Variants in TMEM184B observed in about 807,000 individuals in gnomAD.
The protein encoded by TMEM184B is putative MAPK-activating protein FM08.
TMEM184B carries 17 observed loss-of-function variants against 41.8 expected under a neutral mutation model. The observed-to-expected ratio is 0.41, with a 90% CI of 0.28 to 0.61. The LOEUF (loss-of-function observed/expected upper bound fraction) is 0.61, where lower values mean the gene tolerates loss of function less well. TMEM184B is among the 20% of genes least tolerant of loss of function. The probability of loss-of-function intolerance (pLI) is 0.34; values close to 1 mark genes in which losing one functional copy is unlikely to be tolerated. For synonymous variants in TMEM184B, 240 were observed against 229.5 expected (o/e 1.05, Z -0.41); for missense variants, 393 against 557.8 (o/e 0.70, Z 2.98).
rs1281869931 is a variant in TMEM184B at position 38,272,972 on chromosome 22, G to C, written c.-147C>G. The stretch of plus-strand genomic sequence containing the variant: ...GGGCGGGCGGCGCCGCAGCCCCGGA[G>C]TCTCCGCCGCCGCCGGCGCGTCCCG... On this transcript the variant is annotated 5_prime_UTR_variant, in exon 1 of 9. Coordinates refer to ENST00000361906, the MANE Select transcript of TMEM184B (RefSeq NM_012264.5). The C allele has an allele frequency of 3.8e-6, 1 of 263,476 alleles. No homozygotes were observed. The highest frequency in any genetic ancestry group is 1.8e-4 in the East Asian group (1 of 5,606). The allele number at this position is 263,476 out of a possible 1,614,324, so 16.3% of individuals were successfully genotyped here. A position where few individuals can be genotyped will look rare whatever the true frequency, so the allele number is the denominator to read the frequency against.
intron 3 of TMEM184B, among the ~76,000 whole-genome samples, chr22:38,235,417 C>G (rs1303731044): frequency 6.6e-6 from 1 of 152,232 alleles, no homozygotes; most frequent in Non-Finnish European, 1.5e-5. Context: ...AAACACATGT[C>G]AGCAGTCAGC....
chr22:38,221,479 T>A lies in TMEM184B; in HGVS notation c.1214A>T (p.Asp405Val). Reference protein sequence around the residue: ...NEKTLLLSSDDEF With the variant: ...NEKTLLLSSDVEF ...CACTGCAGCCCGCACCTAGAATTCA[T>A]CATCAGAGCTGAGCAGGAGAGTCTT... The change falls in exon 9 of 9, where the codon GAT becomes GTT. Residue 405 changes from aspartate (D) to valine (V), a missense_variant. Asp to Val is a radical substitution (Grantham distance 152, BLOSUM62 -3). Coordinates refer to ENST00000361906, the MANE Select transcript of TMEM184B (RefSeq NM_012264.5). 2 of 1,606,164 alleles carry A rather than the reference T, an allele frequency of 1.2e-6. No individual in the cohort carries two copies. The highest frequency in any genetic ancestry group is 1.7e-6 in the Non-Finnish European group (2 of 1,175,528).
At chr22:38,250,996 C>T (rs1174426571) in intron 1 of TMEM184B, among the ~76,000 whole-genome samples, 1 of 152,160 alleles carries the variant, frequency 6.6e-6, no homozygotes, top group African/African-American at 2.4e-5. Flanking sequence ...GTCCTATCAA[C>T]ACGTTGTCTC....
At chr22:38,268,471 A>C (rs1451244305) in intron 1 of TMEM184B, among the ~76,000 whole-genome samples, 1 of 151,706 alleles carries the variant, frequency 6.6e-6, no homozygotes, top group Non-Finnish European at 1.5e-5. Context: ...ACGGAGGCCA[A>C]GGGGAGGGAA....
chr22:38,227,422 T>C (rs897704026), intron 5 of TMEM184B, among the ~76,000 whole-genome samples: 1 of 151,990 alleles, frequency 6.6e-6, no homozygotes, highest in Non-Finnish European at 1.5e-5. Flanking sequence ...CTGGAGACCT[T>C]GGTGCCCGGG....
chr22:38,247,760 G>C lies in TMEM184B; in HGVS notation c.192+10C>G. On this transcript the variant is annotated intron_variant, in intron 2 of 8. Coordinates refer to ENST00000361906, the MANE Select transcript of TMEM184B (RefSeq NM_012264.5). ...GACCTTTCTAGAGGCCCCTTGCCAGGCTTGGGTACCTGGTGGCATGTGATG... is the reference window on the plus strand; with the variant it reads ...GACCTTTCTAGAGGCCCCTTGCCAGCCTTGGGTACCTGGTGGCATGTGATG... 1 of 1,608,156 alleles carries C rather than the reference G, an allele frequency of 6.2e-7. No individual in the cohort carries two copies. The highest frequency in any genetic ancestry group is 1.1e-5 in the South Asian group (1 of 90,648).
In TMEM184B at chr22:38,225,723, G is replaced by A. The variant is rs2091414239; in HGVS notation, c.618-130C>T. 2 of 1,087,224 alleles carry A rather than the reference G, an allele frequency of 1.8e-6. No individual in the cohort carries two copies. Among genetic ancestry groups the A allele is most frequent in the Non-Finnish European group, 2.5e-6 (2 of 796,804 alleles). 67.3% of individuals were successfully genotyped at this position (1,087,224 alleles called of 1,614,324 possible). A position where few individuals can be genotyped will look rare whatever the true frequency, so the allele number is the denominator to read the frequency against. On this transcript the variant is annotated intron_variant, in intron 6 of 8. Transcript: ENST00000361906. The surrounding 1 kb of genome is among the most constrained non-coding windows in gnomAD (Gnocchi z 4.4). ...CAGCAGAGCTCAACGAGCCACTGAAGGGGTCAGAATGGGTGATCAAAGCGA... is the reference window on the plus strand; with the variant it reads ...CAGCAGAGCTCAACGAGCCACTGAAAGGGTCAGAATGGGTGATCAAAGCGA...
intron 1 of TMEM184B, among the ~76,000 whole-genome samples, chr22:38,258,520 G>C (rs10427647): frequency 6.6e-6 from 1 of 151,868 alleles, no homozygotes; most frequent in African/African-American, 2.4e-5. Flanking sequence ...GGCTGGTCTC[G>C]AACTCCTGAC....
At chr22:38,216,907 G>A (rs184211094), downstream of TMEM184B, among the ~76,000 whole-genome samples, 311 of 152,222 alleles carry the variant, frequency 2.0e-3, 1 homozygote, top group African/African-American at 6.6e-3. Context: ...TTAGCCACAT[G>A]TGGTGGTACA....
At chr22:38,257,751 A>G (rs2092306321) in intron 1 of TMEM184B, among the ~76,000 whole-genome samples, 1 of 152,218 alleles carries the variant, frequency 6.6e-6, no homozygotes, top group South Asian at 2.1e-4. Context: ...ACATACACTT[A>G]TAATTACACC....
At chr22:38,240,476 T>C (rs2091879933) in intron 3 of TMEM184B, among the ~76,000 whole-genome samples, 1 of 150,688 alleles carries the variant, frequency 6.6e-6, no homozygotes, top group Non-Finnish European at 1.5e-5. Context: ...ATAAAGAAAA[T>C]CTGAGGCTCA....
At chr22:38,234,065 G>T (rs924724862) in intron 3 of TMEM184B, among the ~76,000 whole-genome samples, 1 of 104,334 alleles carries the variant, frequency 9.6e-6, no homozygotes, top group South Asian at 3.9e-4. Context: ...CACCGCGCCC[G>T]GCCGACGGTT....
intron 4 of TMEM184B, among the ~76,000 whole-genome samples, chr22:38,231,020 A>G (rs1350603300): frequency 6.6e-6 from 1 of 152,206 alleles, no homozygotes; most frequent in African/African-American, 2.4e-5. Context: ...CAGACAGGAA[A>G]GCACTAAGAC....
intron 3 of TMEM184B, among the ~76,000 whole-genome samples, chr22:38,242,383 C>T (rs952146887): frequency 3.3e-5 from 5 of 151,700 alleles, no homozygotes; most frequent in African/African-American, 9.7e-5. Flanking sequence ...GAGGCTGAGG[C>T]AGGAGAATTG....
In TMEM184B at chr22:38,226,076, C is replaced by CT. The variant is rs35956053; in HGVS notation, c.618-484dup. 0.024 allele frequency among the ~76,000 whole-genome samples: 3,187 copies of CT among 134,208 alleles called. 115 individuals are homozygous for CT. Among genetic ancestry groups the CT allele is most frequent in the African/African-American group, 0.073 (2,649 of 36,342 alleles). The allele number at this position is 134,208 out of a possible 152,430, so 88.0% of individuals were successfully genotyped here. On this transcript the variant is annotated intron_variant, in intron 6 of 8. Transcript: ENST00000361906. This position sits in a 1 kb window ranked among gnomAD's most constrained non-coding sequence, Gnocchi z 4.6. ...AAGCACAGGGCTAGACACATGGTCA[C>CT]TTTTTTTTTTTTTTTTTTTAGATAT...
At chr22:38,255,070 G>A (rs2092252396) in intron 1 of TMEM184B, among the ~76,000 whole-genome samples, 3 of 151,946 alleles carry the variant, frequency 2.0e-5, no homozygotes, top group African/African-American at 7.3e-5. Flanking sequence ...GTCGCCCCAG[G>A]CTGGAGGGGC....
At chr22:38,250,049 C>T (rs915094683) in intron 1 of TMEM184B, among the ~76,000 whole-genome samples, 8 of 152,254 alleles carry the variant, frequency 5.3e-5, no homozygotes, top group Non-Finnish European at 1.0e-4. Flanking sequence ...CGAACACCAA[C>T]CCCGACCGTC....
At chr22:38,260,737 TTCCTCCTTCGGC>T (rs2092358265) in intron 1 of TMEM184B, among the ~76,000 whole-genome samples, 1 of 152,202 alleles carries the variant, frequency 6.6e-6, no homozygotes, top group African/African-American at 2.4e-5. Flanking sequence ...GCTCTCCCAC[TTCCTCCTTCGGC>T]CAGCCTGGGA....
chr22:38,238,227 CTTTTTTTT>C (rs1029386970), intron 3 of TMEM184B, among the ~76,000 whole-genome samples: 1 of 137,528 alleles, frequency 7.3e-6, no homozygotes, highest in East Asian at 2.1e-4. Context: ...CTATCAACTT[CTTTTTTTT>C]TTTTTTTTTT....
Sources: allele counts gnomAD v4.1 joint callset (sites outside exome capture counted in the v4.1 genomes callset), GRCh38; gene constraint gnomAD v4.1.1; non-coding constraint Gnocchi (gnomAD v3.1); transcripts MANE v1.5; gene names NCBI Gene and HGNC (gene_info 2026-07-23, HGNC 2026-07-21).